Variants in KCNQ5 observed in about 807,000 individuals in gnomAD.
KCNQ5 encodes the protein potassium voltage-gated channel subfamily KQT member 5.
A neutral mutation model predicts 98.2 loss-of-function variants in KCNQ5; 30 were observed. The ratio of observed to expected loss-of-function variants is 0.31; its 90% CI spans 0.23 to 0.41. KCNQ5 has a LOEUF of 0.41. Among genes scored for constraint, KCNQ5 ranks in the 10% least tolerant of loss-of-function variants. The pLI is 1.00. For synonymous variants in KCNQ5, 458 were observed against 449.4 expected (o/e 1.02, Z -0.24); for missense variants, 835 against 1,182.5 (o/e 0.71, Z 4.31).
intron 10 of KCNQ5, chr6:73,158,180 G>C (rs6453646): frequency 0.69 from 210,173 of 305,134 alleles, 74,947 homozygotes; most frequent in East Asian, 0.89. Flanking sequence ...GGGAACGTCC[G>C]GGCGAGCACG....
chr6:72,630,249 A>G (rs958859160), intron 1 of KCNQ5, among the ~76,000 whole-genome samples: 1 of 152,198 alleles, frequency 6.6e-6, no homozygotes, highest in Non-Finnish European at 1.5e-5. Flanking sequence ...TCTTAATTTG[A>G]AAGATAATTA....
chr6:73,091,253 A>G (rs1774235017), intron 5 of KCNQ5, among the ~76,000 whole-genome samples: 1 of 152,182 alleles, frequency 6.6e-6, no homozygotes, highest in Non-Finnish European at 1.5e-5. Context: ...GTTTTCACTC[A>G]TAAGTGGGAG....
intron 3 of KCNQ5, among the ~76,000 whole-genome samples, chr6:73,056,826 C>T (rs1772523080): frequency 6.6e-6 from 1 of 151,986 alleles, no homozygotes; most frequent in Non-Finnish European, 1.5e-5. Context: ...AGTCAGGAAA[C>T]AACAGGTGCT....
At chr6:72,701,316 C>T (rs960587637) in intron 1 of KCNQ5, among the ~76,000 whole-genome samples, 1 of 152,198 alleles carries the variant, frequency 6.6e-6, no homozygotes, top group Admixed American at 6.5e-5. Flanking sequence ...TTTACCCCAA[C>T]TTCAGACCCT....
intron 1 of KCNQ5, among the ~76,000 whole-genome samples, chr6:72,794,588 A>T (rs995451132): frequency 1.3e-5 from 2 of 152,212 alleles, no homozygotes; most frequent in Non-Finnish European, 2.9e-5. Flanking sequence ...TTTACTATAT[A>T]TAACATTTCA....
chr6:72,951,403 G>C (rs1409527025), intron 1 of KCNQ5, among the ~76,000 whole-genome samples: 1 of 150,884 alleles, frequency 6.6e-6, no homozygotes, highest in Non-Finnish European at 1.5e-5. Flanking sequence ...TCAGCCTCCT[G>C]AGTAGCTGAG....
At position 73,196,662 on chromosome 6, in the gene KCNQ5, G is replaced by C. The variant is rs1765800257; in HGVS notation, c.*1248G>C. The C allele has an allele frequency of 6.6e-6, 1 of 152,058 alleles. No homozygotes were observed. The allele number at this position is 152,058 out of a possible 1,614,324, so 9.4% of individuals were successfully genotyped here. A position where few individuals can be genotyped will look rare whatever the true frequency, so the allele number is the denominator to read the frequency against. ...CGAAACTTCCTTTACTTTTTATACT[G>C]TAGTGAAAATTTTCTATTCTTCCCA... On this transcript the variant is annotated 3_prime_UTR_variant, in exon 14 of 14. Transcript: ENST00000370398.
At chr6:72,847,031 A>G (rs966785298) in intron 1 of KCNQ5, among the ~76,000 whole-genome samples, 1 of 152,170 alleles carries the variant, frequency 6.6e-6, no homozygotes, top group Admixed American at 6.5e-5. Context: ...ATATGGGTTG[A>G]AATAGAAAGT....
chr6:72,655,938 T>C (rs900198874), intron 1 of KCNQ5, among the ~76,000 whole-genome samples: 2 of 152,188 alleles, frequency 1.3e-5, no homozygotes, highest in Admixed American at 6.5e-5. Context: ...TGAAAGAATC[T>C]ATATATGGGT....
intron 3 of KCNQ5, chr6:73,055,860 G>A (rs1274195902): frequency 1.5e-4 from 98 of 664,588 alleles, no homozygotes; most frequent in Non-Finnish European, 9.7e-5. Flanking sequence ...AGAAGTGAAG[G>A]CCAGCAAACA....
At chr6:72,625,578 G>A (rs1213677608) in intron 1 of KCNQ5, among the ~76,000 whole-genome samples, 1 of 152,204 alleles carries the variant, frequency 6.6e-6, no homozygotes, top group African/African-American at 2.4e-5. Context: ...CGTTGATGCA[G>A]CAAATGTGGT....
intron 3 of KCNQ5, among the ~76,000 whole-genome samples, chr6:73,060,166 A>T (rs1311312754): frequency 6.6e-6 from 1 of 152,134 alleles, no homozygotes; most frequent in African/African-American, 2.4e-5. Context: ...AAATTGCCCT[A>T]TTCTTAAAAC....
At chr6:72,876,672 T>C (rs1430699790) in intron 1 of KCNQ5, among the ~76,000 whole-genome samples, 1 of 152,230 alleles carries the variant, frequency 6.6e-6, no homozygotes, top group Non-Finnish European at 1.5e-5. Context: ...TACACTTGGA[T>C]TTCATACAAA....
chr6:73,140,575 C>G (rs1490933957), intron 10 of KCNQ5, among the ~76,000 whole-genome samples: 1 of 152,204 alleles, frequency 6.6e-6, no homozygotes, highest in Non-Finnish European at 1.5e-5. Flanking sequence ...GGCACCCATT[C>G]CTGTCATCCT....
chr6:73,084,487 G>T (rs753897492), intron 5 of KCNQ5, among the ~76,000 whole-genome samples: 1 of 152,108 alleles, frequency 6.6e-6, no homozygotes, highest in Non-Finnish European at 1.5e-5. Flanking sequence ...CTTCTGCCTG[G>T]GAGTCACTGA....
chr6:73,082,429 G>A (rs189049553), intron 5 of KCNQ5, among the ~76,000 whole-genome samples: 3 of 152,196 alleles, frequency 2.0e-5, no homozygotes, highest in East Asian at 3.9e-4. Context: ...CAAAAGTCAC[G>A]AGTATGAATC....
At chr6:72,970,218 C>G (rs1767814479) in intron 1 of KCNQ5, among the ~76,000 whole-genome samples, 1 of 152,074 alleles carries the variant, frequency 6.6e-6, no homozygotes, top group Admixed American at 6.6e-5. Flanking sequence ...GTAATCACAC[C>G]ACTGCACTCT....
At chr6:73,151,346 T>C (rs142575264) in intron 10 of KCNQ5, among the ~76,000 whole-genome samples, 177 of 152,350 alleles carry the variant, frequency 1.2e-3, no homozygotes, top group African/African-American at 4.0e-3. Flanking sequence ...TGCTAACTTC[T>C]GATTAATTCA....
intron 1 of KCNQ5, among the ~76,000 whole-genome samples, chr6:72,842,349 T>A (rs1350146232): frequency 1.3e-5 from 2 of 152,216 alleles, no homozygotes; most frequent in Non-Finnish European, 2.9e-5. Context: ...ATAGGAATGA[T>A]AAAAAGAAGA....
Sources: gnomAD v4.1 joint callset for allele counts (sites outside exome capture counted in the v4.1 genomes callset) on GRCh38, gnomAD v4.1.1 for gene constraint, MANE v1.5 for transcripts, NCBI Gene and HGNC (gene_info 2026-07-23, HGNC 2026-07-21) for gene names.